Variants in GRM7 observed in about 807,000 individuals in gnomAD.
The protein encoded by GRM7 is metabotropic glutamate receptor 7.
GRM7 carries 35 observed loss-of-function variants against 84.5 expected under a neutral mutation model. That is an observed-to-expected ratio of 0.41 (90% confidence interval 0.32 to 0.55). The LOEUF (loss-of-function observed/expected upper bound fraction) is 0.55. Among genes scored for constraint, GRM7 ranks in the 20% least tolerant of loss-of-function variants. The pLI is 0.19. For synonymous variants in GRM7, 487 were observed against 455.1 expected, an observed-to-expected ratio of 1.07 and a Z score of -0.89; for missense variants, 1,003 against 1,194.6, an observed-to-expected ratio of 0.84 and a Z score of 2.36.
At chr3:7,288,382 G>C (rs951477536) in intron 2 of GRM7, among the ~76,000 whole-genome samples, 1 of 152,132 alleles carries the variant, frequency 6.6e-6, no homozygotes, top group Non-Finnish European at 1.5e-5. Flanking sequence ...TGTGATGCAG[G>C]AAAGAGCGAG....
intron 7 of GRM7, among the ~76,000 whole-genome samples, chr3:7,563,744 G>C (rs1282105947): frequency 6.6e-6 from 1 of 152,180 alleles, no homozygotes; most frequent in Non-Finnish European, 1.5e-5. Flanking sequence ...CAAATGAAAA[G>C]TCTGCACTGT....
At chr3:7,093,769 G>A (rs1442868419) in intron 1 of GRM7, among the ~76,000 whole-genome samples, 1 of 138,130 alleles carries the variant, frequency 7.2e-6, no homozygotes, top group Admixed American at 7.8e-5. Flanking sequence ...GAAGCAGAAA[G>A]TTCTGTTAAA....
intron 7 of GRM7, among the ~76,000 whole-genome samples, chr3:7,491,953 G>A (rs1413856476): frequency 6.6e-6 from 1 of 152,140 alleles, no homozygotes; most frequent in Non-Finnish European, 1.5e-5. Flanking sequence ...AGGCACCAAG[G>A]AGTGACGATG....
intron 1 of GRM7, among the ~76,000 whole-genome samples, chr3:7,118,588 G>T (rs1693118876): frequency 6.7e-6 from 1 of 148,226 alleles, no homozygotes; most frequent in African/African-American, 2.5e-5. Flanking sequence ...GAAAATTGGA[G>T]GCTCGATCTT....
At chr3:7,585,101 G>A (rs1695458593) in intron 8 of GRM7, among the ~76,000 whole-genome samples, 1 of 152,194 alleles carries the variant, frequency 6.6e-6, no homozygotes. Context: ...ACACAGGAGA[G>A]AGAGGTGTCC....
chr3:7,398,654 C>G (rs913640736), intron 4 of GRM7, among the ~76,000 whole-genome samples: 6 of 151,974 alleles, frequency 3.9e-5, no homozygotes, highest in African/African-American at 1.5e-4. Flanking sequence ...TGCATATATA[C>G]ACACACACTT....
At chr3:6,994,573 T>G (rs985555533) in intron 1 of GRM7, among the ~76,000 whole-genome samples, 5 of 152,218 alleles carry the variant, frequency 3.3e-5, no homozygotes, top group African/African-American at 1.2e-4. Flanking sequence ...GAAGCTGGTT[T>G]TTGTTGTTGA....
intron 2 of GRM7, among the ~76,000 whole-genome samples, chr3:7,247,750 T>C (rs1381042688): frequency 6.6e-6 from 1 of 151,758 alleles, no homozygotes; most frequent in Non-Finnish European, 1.5e-5. Flanking sequence ...ATGTTTTATA[T>C]ATTAAAATAC....
At chr3:7,132,611 G>C (rs1000941825) in intron 1 of GRM7, among the ~76,000 whole-genome samples, 2 of 152,104 alleles carry the variant, frequency 1.3e-5, no homozygotes, top group African/African-American at 4.8e-5. Flanking sequence ...AGAAAGCATA[G>C]CTTACCTCCT....
intron 1 of GRM7, among the ~76,000 whole-genome samples, chr3:6,879,143 A>T (rs757664399): frequency 6.6e-6 from 1 of 152,100 alleles, no homozygotes; most frequent in African/African-American, 2.4e-5. Context: ...TTTCAATAAG[A>T]TACGTAAGTC....
intron 8 of GRM7, among the ~76,000 whole-genome samples, chr3:7,660,299 A>T (rs1454626307): frequency 1.3e-5 from 2 of 152,202 alleles, no homozygotes; most frequent in Admixed American, 6.5e-5. Flanking sequence ...ACATGCCTAT[A>T]GTACCACCCA....
intron 4 of GRM7, among the ~76,000 whole-genome samples, chr3:7,331,294 G>A (rs1212764807): frequency 6.6e-6 from 1 of 152,190 alleles, no homozygotes; most frequent in Non-Finnish European, 1.5e-5. Flanking sequence ...GTCTGAAAGG[G>A]TGATCAAAAG....
chr3:7,167,562 A>T (rs1694839949), intron 2 of GRM7, among the ~76,000 whole-genome samples: 1 of 152,188 alleles, frequency 6.6e-6, no homozygotes, highest in Admixed American at 6.5e-5. Flanking sequence ...GAAAATGCAA[A>T]ATCAAAATAC....
intron 1 of GRM7, among the ~76,000 whole-genome samples, chr3:7,039,716 A>G (rs1696519827): frequency 2.7e-5 from 1 of 37,256 alleles, no homozygotes; most frequent in South Asian, 5.7e-4. Context: ...GTAACTGAGA[A>G]AAAAAAAAAT....
intron 1 of GRM7, among the ~76,000 whole-genome samples, chr3:6,876,872 G>A (rs559571206): frequency 1.3e-5 from 2 of 152,246 alleles, no homozygotes; most frequent in East Asian, 3.9e-4. Context: ...AAAGTGCTGA[G>A]ATTACAGGCA....
chr3:6,991,325 C>G (rs911446891), intron 1 of GRM7, among the ~76,000 whole-genome samples: 6 of 152,288 alleles, frequency 3.9e-5, no homozygotes, highest in African/African-American at 1.4e-4. Flanking sequence ...CTTTCTCCAC[C>G]CTTTCCCACC....
Position 7,340,251 on chromosome 3 carries a change from C to T in GRM7, c.1033+33599C>T, listed in dbSNP as rs115218796. ...TTTCAATAAACATATTGTATTAGTTCGTTCTCACACTGCTATTAAGAACTG... is the reference window on the plus strand; with the variant it reads ...TTTCAATAAACATATTGTATTAGTTTGTTCTCACACTGCTATTAAGAACTG... On this transcript the variant is annotated intron_variant, in intron 4 of 9. Coordinates refer to ENST00000357716, the MANE Select transcript of GRM7 (RefSeq NM_000844.4). Among the ~76,000 whole-genome samples the T allele has an allele frequency of 9.5e-3, 1,441 of 152,176 alleles. 12 individuals are homozygous for T. Among genetic ancestry groups the T allele is most frequent in the Admixed American group, 0.027 (412 of 15,264 alleles).
rs773848853 is a variant in GRM7 at position 7,740,365 on chromosome 3, G to T, written c.2707G>T (p.Ala903Ser). 3.2e-6 allele frequency: 5 copies of T among 1,585,520 alleles called. No homozygotes were observed. In the African/African-American group the frequency reaches 6.8e-5, roughly 22 times the overall value. Residue 903 changes from alanine to serine, a missense_variant, in exon 10 of 10, where the codon GCA becomes TCA. Ala to Ser is a moderately conservative substitution (Grantham distance 99). Transcript: ENST00000357716. ...TCTAATTTTTCTTTCAGGCCCTGCT[G>T]CAAAAAAGAAGTATGTCAGTTATAA... The part of the protein sequence containing the change: ...CENVDPNSPA[A>S]KKKYVSYNNL...
chr3:7,421,216 C>T (rs972512527), intron 5 of GRM7, among the ~76,000 whole-genome samples: 2 of 152,148 alleles, frequency 1.3e-5, no homozygotes, highest in Admixed American at 6.6e-5. Context: ...AATTTAACCT[C>T]TTTTCAAGGG....
Sources: allele counts gnomAD v4.1 joint callset (sites outside exome capture counted in the v4.1 genomes callset), GRCh38; gene constraint gnomAD v4.1.1; transcripts MANE v1.5; gene names NCBI Gene and HGNC (gene_info 2026-07-23, HGNC 2026-07-21).